Variants in ATP1A1 observed in about 807,000 individuals in gnomAD.
The protein encoded by ATP1A1 is ATPase Na+/K+ transporting subunit alpha 1, also known as sodium/potassium-transporting ATPase subunit alpha-1.
In ATP1A1, 14 loss-of-function variants were observed where a neutral mutation model predicts 114.8. That is an observed-to-expected ratio of 0.12 (90% confidence interval 0.08 to 0.19). The LOEUF (loss-of-function observed/expected upper bound fraction) is 0.19. Ranked by LOEUF, ATP1A1 falls within the 10% of genes least tolerant of loss-of-function variation. ATP1A1 has a pLI of 1.00. For synonymous variants in ATP1A1, 471 were observed against 466.3 expected (o/e 1.01, Z -0.13); for missense variants, 524 against 1,290.7 (o/e 0.41, Z 9.10).
At position 116,396,582 on chromosome 1, in the gene ATP1A1, G is replaced by A. The variant is rs747059682; in HGVS notation, c.1837-16G>A. 6.2e-7 allele frequency: 1 copy of A among 1,612,836 alleles called. No individual in the cohort carries two copies. Among genetic ancestry groups the A allele is most frequent in the Non-Finnish European group, 8.5e-7 (1 of 1,179,488 alleles). On this transcript the variant is annotated splice_polypyrimidine_tract_variant and intron_variant, in intron 13 of 22. Transcript: ENST00000295598. Reference sequence around the variant, plus strand: ...ACTTGGCAGTTGCATTCAACACATTGTCTTGTTTATTACAGGTCATCATGG... The same window carrying A: ...ACTTGGCAGTTGCATTCAACACATTATCTTGTTTATTACAGGTCATCATGG...
Position 116,401,159 on chromosome 1 carries a change from C to T in ATP1A1, c.2748C>T (p.Phe916=), listed in dbSNP as rs140795898. ...ATGAGCAGAGGAAAATCGTGGAGTTCACCTGCCACACAGCCTTCTTCGTCA... is the reference window on the plus strand; with the variant it reads ...ATGAGCAGAGGAAAATCGTGGAGTTTACCTGCCACACAGCCTTCTTCGTCA... The part of the protein sequence containing the change: ...WTYEQRKIVE[F]TCHTAFFVSI... The change falls in exon 20 of 23, where the codon TTC becomes TTT. Residue 916 remains phenylalanine (F), a synonymous_variant. Coordinates refer to ENST00000295598, the MANE Select transcript of ATP1A1 (RefSeq NM_000701.8). This position sits in a 1 kb window ranked among gnomAD's most constrained non-coding sequence, Gnocchi z 4.7. 9.9e-6 allele frequency: 16 copies of T among 1,614,094 alleles called. No homozygotes were observed. The African/African-American group carries it at 2.0e-4, about 20-fold the overall frequency.
chr1:116,402,238 A>G (rs534662607), intron 21 of ATP1A1, among the ~76,000 whole-genome samples: 2 of 152,358 alleles, frequency 1.3e-5, no homozygotes, highest in East Asian at 1.9e-4. Flanking sequence ...TGAATTTTCA[A>G]AGAGGGTTTA....
At position 116,389,847 on chromosome 1, in the gene ATP1A1, G is replaced by A. The variant is rs953283008; in HGVS notation, c.1023+140G>A. On this transcript the variant is annotated intron_variant, in intron 8 of 22. Coordinates refer to ENST00000295598, the MANE Select transcript of ATP1A1 (RefSeq NM_000701.8). This position sits in a 1 kb window ranked among gnomAD's most constrained non-coding sequence, Gnocchi z 6.9. ...TAGTTCTTCTTGAGAGCCACATCACGTGGTGAATTTTGACAGTGAGAAAAC... is the reference window on the plus strand; with the variant it reads ...TAGTTCTTCTTGAGAGCCACATCACATGGTGAATTTTGACAGTGAGAAAAC... The A allele has an allele frequency of 1.9e-5, 24 of 1,271,424 alleles. No homozygotes were observed. The highest frequency in any genetic ancestry group is 4.6e-5 in the South Asian group (3 of 65,464). The allele number at this position is 1,271,424 out of a possible 1,614,324, so 78.8% of individuals were successfully genotyped here. A position where few individuals can be genotyped will look rare whatever the true frequency, so the allele number is the denominator to read the frequency against.
Position 116,387,262 on chromosome 1 carries a change from C to G in ATP1A1, c.184-26C>G. On this transcript the variant is annotated intron_variant, in intron 3 of 22. Transcript: ENST00000295598. The surrounding 1 kb of genome is among the most constrained non-coding windows in gnomAD (Gnocchi z 6.7). Reference sequence around the variant, plus strand: ...CCTTGTAAGTGCTGGTACAGTTTGCCTTATTTATATTCCACTGCTTCTCAG... The same window carrying G: ...CCTTGTAAGTGCTGGTACAGTTTGCGTTATTTATATTCCACTGCTTCTCAG... The G allele has an allele frequency of 1.2e-6, 2 of 1,613,244 alleles. No individual in the cohort carries two copies. The highest frequency in any genetic ancestry group is 1.7e-6 in the Non-Finnish European group (2 of 1,179,838).
chr1:116,386,428 T>G (rs1188128320), intron 3 of ATP1A1, among the ~76,000 whole-genome samples: 1 of 152,200 alleles, frequency 6.6e-6, no homozygotes, highest in Non-Finnish European at 1.5e-5. Flanking sequence ...AGGATTGTCA[T>G]GAGAATTAAA....
chr1:116,387,012 C>G lies in ATP1A1; in HGVS notation c.184-276C>G, dbSNP rs186154346. Among the ~76,000 whole-genome samples the G allele has an allele frequency of 6.6e-6, 1 of 152,106 alleles. No individual in the cohort carries two copies. The highest frequency in any genetic ancestry group is 1.5e-5 in the Non-Finnish European group (1 of 68,022). ...CCCTTGATCTAAAACTTAGAAGAAA[C>G]CAGGCTGAATTCAAATTTATTGATG... On this transcript the variant is annotated intron_variant, in intron 3 of 22. Coordinates refer to ENST00000295598, the MANE Select transcript of ATP1A1 (RefSeq NM_000701.8). This position sits in a 1 kb window ranked among gnomAD's most constrained non-coding sequence, Gnocchi z 6.7.
At chr1:116,373,598 C>G in intron 1 of ATP1A1, 75 bp downstream of exon 1, 4 of 1,308,048 alleles carry the variant, frequency 3.1e-6, no homozygotes, top group Non-Finnish European at 3.0e-6. Context: ...GGAGGGCGAC[C>G]GCGGCCAGCG....
rs572889120 is a variant in ATP1A1, at chr1:116,385,158, C to T, written c.183+316C>T. 6.6e-6 allele frequency: 2 copies of T among 302,066 alleles called. No individual in the cohort carries two copies. The highest frequency in any genetic ancestry group is 1.2e-5 in the Non-Finnish European group (2 of 162,006). 18.7% of individuals were successfully genotyped at this position (302,066 alleles called of 1,614,324 possible). A position where few individuals can be genotyped will look rare whatever the true frequency, so the allele number is the denominator to read the frequency against. On this transcript the variant is annotated intron_variant, in intron 3 of 22. Coordinates refer to ENST00000295598, the MANE Select transcript of ATP1A1 (RefSeq NM_000701.8). This position sits in a 1 kb window ranked among gnomAD's most constrained non-coding sequence, Gnocchi z 4.3. ...TTGACCTTTTGATGATAAATTTTCCCTTTATTTTTCTACATTTGTTAAATA... is the reference window on the plus strand; with the variant it reads ...TTGACCTTTTGATGATAAATTTTCCTTTTATTTTTCTACATTTGTTAAATA...
chr1:116,395,346 A>G lies in ATP1A1; in HGVS notation c.1836+61A>G. ...GTGCCTTGGGACACCCTACTCAGTG[A>G]ATGTTGCCTTTTGAGGTCCAGATGG... On this transcript the variant is annotated intron_variant, in intron 13 of 22. Transcript: ENST00000295598. The surrounding 1 kb of genome is among the most constrained non-coding windows in gnomAD (Gnocchi z 6.4). The G allele has an allele frequency of 1.9e-6, 3 of 1,564,562 alleles. No individual in the cohort carries two copies. Among genetic ancestry groups the G allele is most frequent in the Non-Finnish European group, 2.6e-6 (3 of 1,154,850 alleles).
chr1:116,386,868 G>T (rs914074264), intron 3 of ATP1A1, among the ~76,000 whole-genome samples: 24 of 151,994 alleles, frequency 1.6e-4, no homozygotes, highest in African/African-American at 4.3e-4. Flanking sequence ...TTGTAGAGGG[G>T]TTTTTTTTCC....
intron 1 of ATP1A1, among the ~76,000 whole-genome samples, chr1:116,375,935 G>A (rs1651338058): frequency 6.6e-6 from 1 of 152,198 alleles, no homozygotes. Flanking sequence ...TAGTTCCTAA[G>A]CATTTGGTAA....
chr1:116,395,020 G>A lies in ATP1A1; in HGVS notation c.1661-90G>A. On this transcript the variant is annotated intron_variant, in intron 12 of 22. Coordinates refer to ENST00000295598, the MANE Select transcript of ATP1A1 (RefSeq NM_000701.8). The surrounding 1 kb of genome is among the most constrained non-coding windows in gnomAD (Gnocchi z 6.4). ...AAAATTTTCCAAAGTAAACACTCCAGAGAAAGGTAGGCGGGCTGAATAGGC... is the reference window on the plus strand; with the variant it reads ...AAAATTTTCCAAAGTAAACACTCCAAAGAAAGGTAGGCGGGCTGAATAGGC... The A allele has an allele frequency of 4.4e-6, 6 of 1,374,686 alleles. No individual in the cohort carries two copies. The highest frequency in any genetic ancestry group is 5.9e-6 in the Non-Finnish European group (6 of 1,010,366). The allele number at this position is 1,374,686 out of a possible 1,614,324, so 85.2% of individuals were successfully genotyped here.
At chr1:116,391,214 T>C (rs1040589731) in intron 10 of ATP1A1, among the ~76,000 whole-genome samples, 4 of 152,216 alleles carry the variant, frequency 2.6e-5, no homozygotes, top group Admixed American at 6.5e-5. Context: ...CTCTTGAGTT[T>C]ATATGTTATC....
At chr1:116,386,755 G>A (rs1652123731) in intron 3 of ATP1A1, among the ~76,000 whole-genome samples, 1 of 152,164 alleles carries the variant, frequency 6.6e-6, no homozygotes, top group African/African-American at 2.4e-5. Flanking sequence ...GCACATGGAG[G>A]TGAGCCCTTC....
At position 116,388,652 on chromosome 1, in the gene ATP1A1, T is replaced by C. The variant is rs370023243; in HGVS notation, c.516T>C (p.Ile172=). The C allele has an allele frequency of 6.2e-6, 10 of 1,614,076 alleles. No homozygotes were observed. The African/African-American group carries it at 1.3e-4, about 22-fold the overall frequency. The change falls in exon 6 of 23, where the codon ATT becomes ATC. Residue 172 remains isoleucine, a synonymous_variant. Transcript: ENST00000295598. This position sits in a 1 kb window ranked among gnomAD's most constrained non-coding sequence, Gnocchi z 5.6. ...KNMVPQQALV[I]RNGEKMSINA... The stretch of plus-strand genomic sequence containing the variant: ...CTTTTCCAAAGCAAGCCCTTGTGAT[T>C]CGAAATGGTGAGAAAATGAGCATAA...
At chr1:116,375,512 C>T (rs1272147018) in intron 1 of ATP1A1, among the ~76,000 whole-genome samples, 1 of 152,206 alleles carries the variant, frequency 6.6e-6, no homozygotes, top group Non-Finnish European at 1.5e-5. Flanking sequence ...AGAGCTTAAA[C>T]CCAGATGTCT....
Position 116,373,523 on chromosome 1 carries a change from G to T in ATP1A1, c.12G>T (p.Gly4=). Residue 4 remains glycine, a splice_region_variant and synonymous_variant, in exon 1 of 23, where the codon GGG becomes GGT. Transcript: ENST00000295598. Reference sequence around the variant, plus strand: ...TGAGCACCGCCACCATGGGGAAGGGGGTGAGTGTCCGGCGCGCCCGGGGAG... The same window carrying T: ...TGAGCACCGCCACCATGGGGAAGGGTGTGAGTGTCCGGCGCGCCCGGGGAG... The part of the protein sequence containing the change: MGK[G]VGRDKYEPAA... 1 of 1,475,156 alleles carries T rather than the reference G, an allele frequency of 6.8e-7. No homozygotes were observed. Among genetic ancestry groups the T allele is most frequent in the Non-Finnish European group, 9.0e-7 (1 of 1,116,030 alleles). 91.4% of individuals were successfully genotyped at this position (1,475,156 alleles called of 1,614,324 possible).
In ATP1A1 at chr1:116,384,867, G is replaced by T. The variant is rs767223385; in HGVS notation, c.183+25G>T. 2.5e-6 allele frequency: 4 copies of T among 1,610,474 alleles called. No homozygotes were observed. In the South Asian group the frequency reaches 4.4e-5, roughly 18 times the overall value. ...GGTATGTTCTAGTTTGAAAGCTGTT[G>T]TACAAAATCCTAGTTTTCCGTATTA... On this transcript the variant is annotated intron_variant, in intron 3 of 22. Transcript: ENST00000295598. This position sits in a 1 kb window ranked among gnomAD's most constrained non-coding sequence, Gnocchi z 5.1.
chr1:116,389,773 T>C lies in ATP1A1; in HGVS notation c.1023+66T>C. The C allele has an allele frequency of 5.6e-6, 9 of 1,593,398 alleles. No individual in the cohort carries two copies. The highest frequency in any genetic ancestry group is 7.7e-6 in the Non-Finnish European group (9 of 1,166,732). On this transcript the variant is annotated intron_variant, in intron 8 of 22. Transcript: ENST00000295598. This position sits in a 1 kb window ranked among gnomAD's most constrained non-coding sequence, Gnocchi z 6.9. ...GCACGAATGTTACACTCTTCCGCTATCCTATTCTAAGGTATTGCCAACTTA... is the reference window on the plus strand; with the variant it reads ...GCACGAATGTTACACTCTTCCGCTACCCTATTCTAAGGTATTGCCAACTTA...
Sources: gnomAD v4.1 joint callset for allele counts (sites outside exome capture counted in the v4.1 genomes callset) on GRCh38, gnomAD v4.1.1 for gene constraint, Gnocchi (gnomAD v3.1) non-coding constraint, MANE v1.5 for transcripts, NCBI Gene and HGNC (gene_info 2026-07-23, HGNC 2026-07-21) for gene names.